The following LSAMP variants were observed in gnomAD, a reference collection of about 807,000 sequenced individuals.
LSAMP encodes the protein limbic system-associated membrane protein.
Under a neutral mutation model 38.6 loss-of-function variants are expected in LSAMP, and 7 were observed. The ratio of observed to expected loss-of-function variants is 0.18; its 90% confidence interval spans 0.10 to 0.34. The LOEUF is 0.34. Among genes scored for constraint, LSAMP ranks in the 10% least tolerant of loss-of-function variants. LSAMP has a pLI of 1.00. For synonymous variants in LSAMP, 154 were observed against 166.8 expected, an observed-to-expected ratio of 0.92 and a Z score of 0.59; for missense variants, 313 against 420.0, an observed-to-expected ratio of 0.75 and a Z score of 2.23.
chr3:115,897,913 T>C (rs1936769431), intron 3 of LSAMP, among the ~76,000 whole-genome samples: 1 of 152,082 alleles, frequency 6.6e-6, no homozygotes, highest in South Asian at 2.1e-4. Context: ...CAAGAAGCCA[T>C]GTTGGCAGGC....
intron 3 of LSAMP, among the ~76,000 whole-genome samples, chr3:115,911,603 C>T (rs890011708): frequency 6.6e-6 from 1 of 152,156 alleles, no homozygotes; most frequent in Non-Finnish European, 1.5e-5. Context: ...CTTGACCTCC[C>T]AGAGTGCTGG....
chr3:116,061,854 A>G (rs1941600393), intron 2 of LSAMP, among the ~76,000 whole-genome samples: 1 of 152,206 alleles, frequency 6.6e-6, no homozygotes, highest in South Asian at 2.1e-4. Context: ...AATCGTTAGT[A>G]ATTTTTAGGC....
At chr3:116,330,463 G>A (rs993989057) in intron 1 of LSAMP, among the ~76,000 whole-genome samples, 1 of 152,018 alleles carries the variant, frequency 6.6e-6, no homozygotes, top group Non-Finnish European at 1.5e-5. Context: ...GCAGGTAACC[G>A]TTATTGTTAC....
chr3:116,167,765 T>C (rs1443960853), intron 1 of LSAMP, among the ~76,000 whole-genome samples: 4 of 152,238 alleles, frequency 2.6e-5, no homozygotes, highest in Non-Finnish European at 5.9e-5. Context: ...ACCCCTTATA[T>C]ACAACATACT....
rs1419836342 is a variant in LSAMP, at chr3:116,172,794, T to G, written c.156-86238A>C. On this transcript the variant is annotated intron_variant, in intron 1 of 6. Transcript: ENST00000490035. ...TTAGTGTAATGGATGTTTAGTGTCA[T>G]GATTCAAGTTTTGCTTGATAACCTA... Among the ~76,000 whole-genome samples the G allele has an allele frequency of 2.6e-5, 4 of 152,024 alleles. No individual in the cohort carries two copies. The East Asian group carries it at 5.8e-4, about 22-fold the overall frequency.
chr3:115,852,606 C>T lies in LSAMP; in HGVS notation c.526G>A (p.Glu176Lys). The T allele has an allele frequency of 6.2e-7, 1 of 1,611,554 alleles. No homozygotes were observed. Among genetic ancestry groups the T allele is most frequent in the Non-Finnish European group, 8.5e-7 (1 of 1,179,142 alleles). The change falls in exon 4 of 7, where the codon GAA (glutamate) becomes AAA (lysine). Residue 176 changes from glutamate (E) to lysine (K), a missense_variant. Transcript: ENST00000490035. ...RHLTPTGREF[E>K]GEEEYLEILG... ...ATCTCCAGATATTCTTCTTCTCCTT[C>T]AAATTCCCTTCCTGAAAAACAGAGG... is the stretch of plus-strand genomic sequence containing the variant.
intron 1 of LSAMP, among the ~76,000 whole-genome samples, chr3:116,239,477 C>T (rs979667655): frequency 2.6e-5 from 4 of 152,056 alleles, no homozygotes; most frequent in Non-Finnish European, 5.9e-5. Context: ...TCTTAAATTC[C>T]TGAACAGTGT....
intron 3 of LSAMP, among the ~76,000 whole-genome samples, chr3:115,999,707 C>T (rs1939932853): frequency 1.3e-5 from 2 of 152,134 alleles, no homozygotes; most frequent in South Asian, 4.1e-4. Context: ...CTGGAATTAG[C>T]AGGTTACTGA....
intron 3 of LSAMP, among the ~76,000 whole-genome samples, chr3:116,003,506 T>C (rs1940060662): frequency 6.6e-6 from 1 of 152,164 alleles, no homozygotes. Context: ...TTAAAGCAGA[T>C]TGTAGTAGGT....
intron 1 of LSAMP, among the ~76,000 whole-genome samples, chr3:116,249,998 A>T (rs1180122504): frequency 6.6e-6 from 1 of 152,144 alleles, no homozygotes; most frequent in African/African-American, 2.4e-5. Flanking sequence ...TTTTATTAAC[A>T]AAGGTTCGTA....
chr3:116,241,440 C>T (rs1037253151), intron 1 of LSAMP, among the ~76,000 whole-genome samples: 2 of 151,966 alleles, frequency 1.3e-5, no homozygotes, highest in African/African-American at 4.8e-5. Context: ...GTGACACACG[C>T]CTGTAGTCCC....
At chr3:115,850,925 T>C (rs2107520580) in intron 4 of LSAMP, among the ~76,000 whole-genome samples, 1 of 152,100 alleles carries the variant, frequency 6.6e-6, no homozygotes, top group East Asian at 1.9e-4. Context: ...ATCTCATAGG[T>C]TTAAAATGGC....
intron 1 of LSAMP, among the ~76,000 whole-genome samples, chr3:116,289,674 A>C (rs928719355): frequency 6.6e-6 from 1 of 152,102 alleles, no homozygotes; most frequent in African/African-American, 2.4e-5. Context: ...AAGATCCTAT[A>C]AGTGAAATAC....
intron 1 of LSAMP, among the ~76,000 whole-genome samples, chr3:116,423,686 T>G (rs565692578): frequency 6.6e-6 from 1 of 152,132 alleles, no homozygotes; most frequent in African/African-American, 2.4e-5. Flanking sequence ...GCAGAGAAGC[T>G]GCAACCTCAA....
At chr3:116,441,863 G>A (rs765445574) in intron 1 of LSAMP, among the ~76,000 whole-genome samples, 31 of 152,118 alleles carry the variant, frequency 2.0e-4, no homozygotes, top group African/African-American at 4.8e-4. Context: ...TGCTGCTGCC[G>A]CCACTACTCT....
chr3:115,997,713 G>GATATATATATATATATAT (rs376845636), intron 3 of LSAMP, among the ~76,000 whole-genome samples: 1 of 91,658 alleles, frequency 1.1e-5, no homozygotes, highest in Non-Finnish European at 2.1e-5. Flanking sequence ...GACATTTTGG[G>GATATATATATATATATAT]ATATATATAT....
chr3:116,414,382 C>T (rs2107844819), intron 1 of LSAMP, among the ~76,000 whole-genome samples: 1 of 152,252 alleles, frequency 6.6e-6, no homozygotes, highest in South Asian at 2.1e-4. Context: ...ATTCTTTCTG[C>T]ATATCACAGT....
Position 115,978,784 on chromosome 3 carries a change from T to A in LSAMP, c.514+40731A>T, listed in dbSNP as rs78856923. Among the ~76,000 whole-genome samples the A allele has an allele frequency of 3.9e-4, 59 of 152,222 alleles. 1 individual carries two copies. The East Asian group carries it at 0.011, about 29-fold the overall frequency. Reference sequence around the variant, plus strand: ...ACTTACAGCCTATCAGTGACCTTGCTGATAAAGGCTTTGGTTGAGAAGTTG... The same window carrying A: ...ACTTACAGCCTATCAGTGACCTTGCAGATAAAGGCTTTGGTTGAGAAGTTG... On this transcript the variant is annotated intron_variant, in intron 3 of 6. Coordinates refer to ENST00000490035, the MANE Select transcript of LSAMP (RefSeq NM_002338.5).
intron 1 of LSAMP, among the ~76,000 whole-genome samples, chr3:116,212,139 C>T (rs1326448630): frequency 6.6e-6 from 1 of 152,162 alleles, no homozygotes; most frequent in Non-Finnish European, 1.5e-5. Flanking sequence ...AATTCACAGC[C>T]TACTACTTCT....
Sources: gnomAD v4.1 joint callset for allele counts (sites outside exome capture counted in the v4.1 genomes callset) on GRCh38, gnomAD v4.1.1 for gene constraint, MANE v1.5 for transcripts, NCBI Gene and HGNC (gene_info 2026-07-23, HGNC 2026-07-21) for gene names.